Variants in GALNT18 observed in about 807,000 individuals in gnomAD.
The protein encoded by GALNT18 is polypeptide N-acetylgalactosaminyltransferase 18, also known as GalNAc-transferase 18.
In GALNT18, 44 loss-of-function variants were observed where a neutral mutation model predicts 69.5. The observed-to-expected ratio is 0.63, with a 90% confidence interval of 0.50 to 0.81. The LOEUF (loss-of-function observed/expected upper bound fraction) is 0.81. Ranked by LOEUF, GALNT18 falls within the 40% of genes least tolerant of loss-of-function variation. GALNT18 has a pLI of 0.00. For missense variants in GALNT18, 715 were observed against 810.0 expected, an observed-to-expected ratio of 0.88 and a Z score of 1.42; for synonymous variants, 364 against 318.2, an observed-to-expected ratio of 1.14 and a Z score of -1.53.
chr11:11,270,952 A>C lies in GALNT18; in HGVS notation c.*192T>G. On this transcript the variant is annotated 3_prime_UTR_variant, in exon 11 of 11. Coordinates refer to ENST00000227756, the MANE Select transcript of GALNT18 (RefSeq NM_198516.3). ...CTATTTACAACTGCAAAATAGTTTG[A>C]TATCATACCATCACCTACCAATCAG... 2.0e-6 allele frequency: 1 copy of C among 492,686 alleles called. No homozygotes were observed. Among genetic ancestry groups the C allele is most frequent in the Non-Finnish European group, 3.6e-6 (1 of 276,544 alleles). The allele number at this position is 492,686 out of a possible 1,614,324, so 30.5% of individuals were successfully genotyped here.
chr11:11,569,809 G>A (rs1858743121), intron 1 of GALNT18, among the ~76,000 whole-genome samples: 1 of 152,092 alleles, frequency 6.6e-6, no homozygotes, highest in Admixed American at 6.5e-5. Context: ...GATGAGACAT[G>A]GAGATCACAA....
At chr11:11,425,866 A>C (rs1855117235) in intron 3 of GALNT18, among the ~76,000 whole-genome samples, 1 of 152,268 alleles carries the variant, frequency 6.6e-6, no homozygotes, top group Non-Finnish European at 1.5e-5. Context: ...CAAGAGTCAA[A>C]GGCAGAGATG....
intron 1 of GALNT18, among the ~76,000 whole-genome samples, chr11:11,521,752 C>T (rs1283398711): frequency 3.3e-5 from 5 of 152,184 alleles, no homozygotes; most frequent in Admixed American, 1.3e-4. Context: ...GTGAAGGGAA[C>T]GGAGGTGACT....
In GALNT18 at chr11:11,584,171, G is replaced by A. The variant is rs1385240990; in HGVS notation, c.235+37188C>T. On this transcript the variant is annotated intron_variant, in intron 1 of 10. Coordinates refer to ENST00000227756, the MANE Select transcript of GALNT18 (RefSeq NM_198516.3). This position sits in a 1 kb window ranked among gnomAD's most constrained non-coding sequence, Gnocchi z 4.1. The stretch of plus-strand genomic sequence containing the variant: ...ATTCCAGGGAACTTGGTTCCAAATG[G>A]TAGGACAAGTGGGCCAGCGGCAATA... Among the ~76,000 whole-genome samples, 2 of 152,114 alleles carry A rather than the reference G, an allele frequency of 1.3e-5. No homozygotes were observed. The highest frequency in any genetic ancestry group is 2.9e-5 in the Non-Finnish European group (2 of 68,034).
chr11:11,288,947 A>C (rs1564881205), intron 10 of GALNT18, among the ~76,000 whole-genome samples: 1 of 152,198 alleles, frequency 6.6e-6, no homozygotes, highest in Non-Finnish European at 1.5e-5. Flanking sequence ...TCCTCAGGAG[A>C]ATAAATAGTG....
intron 9 of GALNT18, among the ~76,000 whole-genome samples, chr11:11,308,647 C>G (rs1849618710): frequency 6.6e-6 from 1 of 152,180 alleles, no homozygotes; most frequent in African/African-American, 2.4e-5. Flanking sequence ...TCTCCTCTCC[C>G]CTGGTGCCTC....
chr11:11,590,565 C>A lies in GALNT18; in HGVS notation c.235+30794G>T, dbSNP rs2133926645. Among the ~76,000 whole-genome samples the A allele has an allele frequency of 6.6e-6, 1 of 152,314 alleles. No individual in the cohort carries two copies. Among genetic ancestry groups the A allele is most frequent in the East Asian group, 1.9e-4 (1 of 5,186 alleles). ...AGGGATATACTAGTGAGATATCACT[C>A]CCAACTTGCTTTTGAATCTGTTTCC... On this transcript the variant is annotated intron_variant, in intron 1 of 10. Coordinates refer to ENST00000227756, the MANE Select transcript of GALNT18 (RefSeq NM_198516.3). This position sits in a 1 kb window ranked among gnomAD's most constrained non-coding sequence, Gnocchi z 4.4.
intron 9 of GALNT18, among the ~76,000 whole-genome samples, chr11:11,311,667 A>C (rs1190094317): frequency 6.6e-6 from 1 of 152,162 alleles, no homozygotes; most frequent in Non-Finnish European, 1.5e-5. Flanking sequence ...GCCCATCATT[A>C]AGAAAGATAA....
At chr11:11,468,110 C>A (rs1856189762) in intron 1 of GALNT18, among the ~76,000 whole-genome samples, 1 of 152,206 alleles carries the variant, frequency 6.6e-6, no homozygotes, top group African/African-American at 2.4e-5. Context: ...TACTGTAATC[C>A]TTTTATATAT....
At chr11:11,400,519 C>T (rs1397502096) in intron 3 of GALNT18, among the ~76,000 whole-genome samples, 1 of 152,118 alleles carries the variant, frequency 6.6e-6, no homozygotes, top group Non-Finnish European at 1.5e-5. Flanking sequence ...CAACAGAATA[C>T]CATGGACTGA....
chr11:11,341,869 C>T lies in GALNT18; in HGVS notation c.1093-865G>A, dbSNP rs941920045. On this transcript the variant is annotated intron_variant, in intron 6 of 10. Coordinates refer to ENST00000227756, the MANE Select transcript of GALNT18 (RefSeq NM_198516.3). The surrounding 1 kb of genome is among the most constrained non-coding windows in gnomAD (Gnocchi z 6.3). The stretch of plus-strand genomic sequence containing the variant: ...GGGCACAGTGGCTCACACCTGTAAT[C>T]TCAGCACTTTGGGAGGCTAAGGTGG... 1.3e-5 allele frequency among the ~76,000 whole-genome samples: 2 copies of T among 152,148 alleles called. No individual in the cohort carries two copies. Among genetic ancestry groups the T allele is most frequent in the Non-Finnish European group, 2.9e-5 (2 of 68,034 alleles).
At position 11,598,960 on chromosome 11, in the gene GALNT18, A is replaced by C. The variant is rs181868050; in HGVS notation, c.235+22399T>G. 6.6e-6 allele frequency among the ~76,000 whole-genome samples: 1 copy of C among 152,212 alleles called. No individual in the cohort carries two copies. Among genetic ancestry groups the C allele is most frequent in the Admixed American group, 6.5e-5 (1 of 15,290 alleles). ...CAGAGAATGTACTTTGTTCATTTTA[A>C]AGGATGAGTTCAATCCTTTGAAATT... On this transcript the variant is annotated intron_variant, in intron 1 of 10. Coordinates refer to ENST00000227756, the MANE Select transcript of GALNT18 (RefSeq NM_198516.3). The surrounding 1 kb of genome is among the most constrained non-coding windows in gnomAD (Gnocchi z 4.8).
rs780316019 is a variant in GALNT18, at chr11:11,353,134, C to T, written c.1093-12130G>A. 37 of 1,613,526 alleles carry T rather than the reference C, an allele frequency of 2.3e-5. 1 individual carries two copies. The Middle Eastern group carries it at 3.6e-3, about 159-fold the overall frequency. The stretch of plus-strand genomic sequence containing the variant: ...GGTCCCGACATGTCAGACAGGTTGG[C>T]GGACAAAGCTGGACTTGATGTTTGG... On this transcript the variant is annotated intron_variant, in intron 6 of 10. Transcript: ENST00000227756.
At chr11:11,412,207 G>C (rs1028081782) in intron 3 of GALNT18, among the ~76,000 whole-genome samples, 1 of 152,096 alleles carries the variant, frequency 6.6e-6, no homozygotes. Context: ...AGTGTACCTA[G>C]GCCTTATACG....
chr11:11,303,570 C>A (rs1028365990), intron 9 of GALNT18, among the ~76,000 whole-genome samples: 1 of 151,952 alleles, frequency 6.6e-6, no homozygotes, highest in African/African-American at 2.4e-5. Flanking sequence ...AGGCTGAGCC[C>A]AAGCCTGTCA....
intron 9 of GALNT18, among the ~76,000 whole-genome samples, chr11:11,305,930 A>C (rs565918472): frequency 1.3e-5 from 2 of 152,242 alleles, no homozygotes; most frequent in African/African-American, 2.4e-5. Context: ...ATGCAGGTGC[A>C]CTCCCTGGTG....
Position 11,313,780 on chromosome 11 carries a change from A to G in GALNT18, c.1512+13306T>C, listed in dbSNP as rs80192472. On this transcript the variant is annotated intron_variant, in intron 9 of 10. Transcript: ENST00000227756. ...TAAGCCCCAGTTTTCTCACCTGTAA[A>G]GAATAGCAGTGCCTACTTCAAAGGG... is the stretch of plus-strand genomic sequence containing the variant. Among the ~76,000 whole-genome samples the G allele has an allele frequency of 2.0e-3, 298 of 152,350 alleles. 4 individuals carry two copies. Among genetic ancestry groups the G allele is most frequent in the African/African-American group, 6.9e-3 (286 of 41,574 alleles).
intron 3 of GALNT18, among the ~76,000 whole-genome samples, chr11:11,388,707 C>T (rs182684637): frequency 7.2e-4 from 109 of 152,304 alleles, no homozygotes; most frequent in Middle Eastern, 3.4e-3. Flanking sequence ...GCTGGTCTAA[C>T]GCTCTGTGAC....
At chr11:11,520,576 C>T (rs1030759060) in intron 1 of GALNT18, among the ~76,000 whole-genome samples, 13 of 152,182 alleles carry the variant, frequency 8.5e-5, no homozygotes, top group African/African-American at 3.1e-4. Context: ...GGGCTGGCTT[C>T]CTGTGAGGCA....
Sources: gnomAD v4.1 joint callset for allele counts (sites outside exome capture counted in the v4.1 genomes callset) on GRCh38, gnomAD v4.1.1 for gene constraint, Gnocchi (gnomAD v3.1) non-coding constraint, MANE v1.5 for transcripts, NCBI Gene and HGNC (gene_info 2026-07-23, HGNC 2026-07-21) for gene names.